MEI1: variants seen among roughly 807,000 people sequenced by gnomAD.
The protein encoded by MEI1 is meiosis inhibitor protein 1.
Under a neutral mutation model 146.2 loss-of-function variants are expected in MEI1, and 103 were observed. The ratio of observed to expected loss-of-function variants is 0.70; its 90% CI spans 0.60 to 0.83. The LOEUF (loss-of-function observed/expected upper bound fraction) is 0.83. Among genes scored for constraint, MEI1 ranks in the 40% least tolerant of loss-of-function variants. The pLI is 0.00. For synonymous variants in MEI1, 652 were observed against 628.2 expected (o/e 1.04, Z -0.57); for missense variants, 1,529 against 1,533.0 (o/e 1.00, Z 0.04).
At chr22:41,769,924 C>T (rs2075077150) in intron 19 of MEI1, among the ~76,000 whole-genome samples, 1 of 151,504 alleles carries the variant, frequency 6.6e-6, no homozygotes, top group Non-Finnish European at 1.5e-5. Flanking sequence ...CACCTGAGGT[C>T]AGGGGTTTGA....
chr22:41,774,128 ACT>A (rs764175164), intron 20 of MEI1: 5 of 152,122 alleles, frequency 3.3e-5, no homozygotes, highest in African/African-American at 9.6e-5. Context: ...CATCACAGAA[ACT>A]CTGTTTGTTT....
chr22:41,700,454 C>T (rs1275909377), intron 1 of MEI1, among the ~76,000 whole-genome samples: 1 of 152,196 alleles, frequency 6.6e-6, no homozygotes, highest in Non-Finnish European at 1.5e-5. Context: ...CCTCAACCTA[C>T]CCAGTAGCTG....
chr22:41,777,852 GCTTC>G (rs200622926), intron 21 of MEI1, among the ~76,000 whole-genome samples: 1,776 of 149,106 alleles, frequency 0.012, 40 homozygotes, highest in African/African-American at 0.041. Flanking sequence ...TTCCTTCCCT[GCTTC>G]CTTCCTTCCT....
At chr22:41,762,297 T>G (rs1216938567) in intron 18 of MEI1, among the ~76,000 whole-genome samples, 1 of 151,672 alleles carries the variant, frequency 6.6e-6, no homozygotes, top group Non-Finnish European at 1.5e-5. Context: ...CTTTCCTCTT[T>G]TCCCTCCCCT....
intron 3 of MEI1, chr22:41,709,575 G>A (rs1021213479): frequency 2.7e-5 from 13 of 479,350 alleles, no homozygotes; most frequent in Admixed American, 1.8e-4. Flanking sequence ...GGTTGTTCTC[G>A]CCTCTTCTTC....
intron 22 of MEI1, 24 bp downstream of exon 22, chr22:41,778,836 G>A (rs367851427): frequency 1.2e-4 from 184 of 1,546,114 alleles, no homozygotes; most frequent in South Asian, 4.6e-4. Flanking sequence ...TTGGGATAGC[G>A]CCCAAGGGCC....
intron 17 of MEI1, among the ~76,000 whole-genome samples, chr22:41,756,828 G>T (rs937777149): frequency 2.6e-5 from 4 of 152,150 alleles, no homozygotes; most frequent in Non-Finnish European, 4.4e-5. Flanking sequence ...AACCGTTTTC[G>T]TAAGAAATCT....
At position 41,795,528 on chromosome 22, in the gene MEI1, G is replaced by A. The variant is rs760334327; in HGVS notation, c.3652G>A (p.Gly1218Ser). The change falls in exon 29 of 31, where the codon GGC becomes AGC. Residue 1218 changes from glycine to serine, a missense_variant. Gly to Ser is a moderately conservative substitution (Grantham distance 56). Around this residue, in one of 3 missense-constraint regions of MEI1, gnomAD observed 313 missense variants for 337.3 expected, o/e 0.93. Transcript: ENST00000401548. This position sits in a 1 kb window ranked among gnomAD's most constrained non-coding sequence, Gnocchi z 4.2. Reference protein sequence around the residue: ...LSNTTLQALHGFFQQLQSMGH... With the variant: ...LSNTTLQALHSFFQQLQSMGH... ...GAACACCACACTCCAGGCCCTGCAT[G>A]GCTTCTTCCAGCAGGTGGGTGGGAA... The A allele has an allele frequency of 1.2e-4, 200 of 1,613,606 alleles. No individual in the cohort carries two copies. Among genetic ancestry groups the A allele is most frequent in the Non-Finnish European group, 1.7e-4 (197 of 1,179,834 alleles).
chr22:41,790,458 C>T (rs1425683362), intron 26 of MEI1, among the ~76,000 whole-genome samples: 1 of 152,222 alleles, frequency 6.6e-6, no homozygotes, highest in African/African-American at 2.4e-5. Context: ...ATTTATTCCA[C>T]AGTAACCCAG....
At chr22:41,728,148 A>C (rs981686762) in intron 7 of MEI1, among the ~76,000 whole-genome samples, 1 of 152,170 alleles carries the variant, frequency 6.6e-6, no homozygotes, top group African/African-American at 2.4e-5. Context: ...ATCAGCGTTC[A>C]GTTGAAAAAA....
intron 24 of MEI1, among the ~76,000 whole-genome samples, chr22:41,783,847 T>C (rs1333800236): frequency 6.6e-6 from 1 of 151,976 alleles, no homozygotes; most frequent in South Asian, 2.1e-4. Context: ...GCCCAGATAA[T>C]GTTTTTGTAT....
intron 19 of MEI1, among the ~76,000 whole-genome samples, chr22:41,765,332 T>C (rs901449807): frequency 6.6e-6 from 1 of 152,040 alleles, no homozygotes; most frequent in African/African-American, 2.4e-5. Flanking sequence ...TTTTTAAAAA[T>C]TGGCCAGGTA....
intron 19 of MEI1, 101 bp downstream of exon 19, chr22:41,763,422 TAGAG>T (rs1187448196): frequency 7.4e-7 from 1 of 1,354,966 alleles, no homozygotes; most frequent in African/African-American, 1.4e-5. Flanking sequence ...AAGCGGGTGG[TAGAG>T]AGAGACAAAG....
chr22:41,770,075 G>A (rs531887109), intron 19 of MEI1, among the ~76,000 whole-genome samples: 19 of 151,808 alleles, frequency 1.3e-4, no homozygotes, highest in African/African-American at 2.7e-4. Flanking sequence ...CAGAGGTTGC[G>A]GTGAGCCGAG....
chr22:41,753,959 C>G lies in MEI1; in HGVS notation c.1864C>G (p.Leu622Val). 1.2e-6 allele frequency: 2 copies of G among 1,612,450 alleles called. No individual in the cohort carries two copies. The highest frequency in any genetic ancestry group is 1.7e-6 in the Non-Finnish European group (2 of 1,178,552). ...TCTTCTCCCTCTAAGTCACTCAGCC[C>G]TAAACCAGGTGTGTTCCAATTTCCT... is the stretch of plus-strand genomic sequence containing the variant. ...RFCSGLSHSALNQVCSNFLYY... is the reference protein window; with the variant it reads ...RFCSGLSHSAVNQVCSNFLYY... The change falls in exon 17 of 31, where the codon CTA (leucine) becomes GTA (valine). Residue 622 changes from leucine to valine, a missense_variant. Physicochemically the swap from Leu to Val is conservative, Grantham distance 32. Around this residue, in one of 3 missense-constraint regions of MEI1, gnomAD observed 1,212 missense variants for 1,178.9 expected, o/e 1.03. Coordinates refer to ENST00000401548, the MANE Select transcript of MEI1 (RefSeq NM_152513.4).
chr22:41,700,027 C>T (rs1354663621), intron 1 of MEI1, among the ~76,000 whole-genome samples: 5 of 152,278 alleles, frequency 3.3e-5, no homozygotes, highest in African/African-American at 1.2e-4. Context: ...CTTCTGGCTC[C>T]TTCCCTTTGC....
At chr22:41,764,867 C>A (rs1379288718) in intron 19 of MEI1, among the ~76,000 whole-genome samples, 1 of 152,178 alleles carries the variant, frequency 6.6e-6, no homozygotes, top group African/African-American at 2.4e-5. Flanking sequence ...AGGAGTCAGT[C>A]AAGTCTGAGC....
At position 41,763,049 on chromosome 22, in the gene MEI1, G is replaced by A. The variant is rs1167148335; in HGVS notation, c.2121-125G>A. 1.3e-5 allele frequency: 12 copies of A among 941,858 alleles called. No individual in the cohort carries two copies. In the Admixed American group the frequency reaches 3.0e-4, roughly 23 times the overall value. The allele number at this position is 941,858 out of a possible 1,614,324, so 58.3% of individuals were successfully genotyped here. ...GTATAGCACACTGTTTGTCTAAGAT[G>A]TCATTAGGCTGTGGGCATATTGGGG... On this transcript the variant is annotated intron_variant, in intron 18 of 30. Coordinates refer to ENST00000401548, the MANE Select transcript of MEI1 (RefSeq NM_152513.4).
At chr22:41,700,745 C>T (rs1371409579) in intron 1 of MEI1, among the ~76,000 whole-genome samples, 2 of 109,626 alleles carry the variant, frequency 1.8e-5, no homozygotes, top group Non-Finnish European at 3.8e-5. Context: ...ATCAGCAGTT[C>T]TCAATTTTTT....
Sources: gnomAD v4.1 joint callset for allele counts (sites outside exome capture counted in the v4.1 genomes callset) on GRCh38, gnomAD v4.1.1 for gene constraint, gnomAD v4.1.1 regional missense constraint, Gnocchi (gnomAD v3.1) non-coding constraint, MANE v1.5 for transcripts, NCBI Gene and HGNC (gene_info 2026-07-23, HGNC 2026-07-21) for gene names.